The following MROH9 variants were observed in gnomAD, a reference collection of about 807,000 sequenced individuals.
The protein encoded by MROH9 is maestro heat like repeat family member 9.
MROH9 carries 92 observed loss-of-function variants against 98.2 expected under a neutral mutation model. That is an observed-to-expected ratio of 0.94 (90% CI 0.79 to 1.11). The LOEUF (loss-of-function observed/expected upper bound fraction) is 1.11, where lower values mean the gene tolerates loss of function less well. Among genes scored for constraint, MROH9 ranks in the 50% most tolerant of loss-of-function variants. The pLI, the probability that MROH9 is intolerant of heterozygous loss-of-function variation, is 0.00. For synonymous variants in MROH9, 397 were observed against 368.9 expected, an observed-to-expected ratio of 1.08 and a Z score of -0.87; for missense variants, 1,057 against 1,014.8, an observed-to-expected ratio of 1.04 and a Z score of -0.57.
rs558727653 is a variant in MROH9 at position 170,980,515 on chromosome 1, G to A, written c.617-2907G>A. 1.8e-4 allele frequency among the ~76,000 whole-genome samples: 28 copies of A among 152,204 alleles called. 1 individual carries two copies. Among genetic ancestry groups the A allele is most frequent in the Admixed American group, 1.8e-3 (27 of 15,272 alleles). On this transcript the variant is annotated intron_variant, in intron 8 of 21. Transcript: ENST00000367759. ...GACAAACCTGACAAAAACAAACAAT[G>A]GGGAAAGAATTCTCTGTTTAATAAA...
rs377650131 is a variant in MROH9, at chr1:171,041,347, A to ATGTGTGTGTGTGTG, written c.2281+15955_2281+15968dup. 4.6e-3 allele frequency among the ~76,000 whole-genome samples: 373 copies of ATGTGTGTGTGTGTG among 80,626 alleles called. 2 individuals are homozygous for ATGTGTGTGTGTGTG. The highest frequency in any genetic ancestry group is 0.014 in the African/African-American group (328 of 22,940). The allele number at this position is 80,626 out of a possible 152,430, so 52.9% of individuals were successfully genotyped here. A position where few individuals can be genotyped will look rare whatever the true frequency, so the allele number is the denominator to read the frequency against. Reference sequence around the variant, plus strand: ...TTTTATGGCTGAGTAGTATTCCATGATGTGTGTGTGTGTGTGTGTGTGTGT... The same window carrying ATGTGTGTGTGTGTG: ...TTTTATGGCTGAGTAGTATTCCATGATGTGTGTGTGTGTGTGTGTGTGTGTGTGTGTGTGTGTGT... On this transcript the variant is annotated intron_variant, in intron 20 of 21. Transcript: ENST00000367759.
intron 17 of MROH9, among the ~76,000 whole-genome samples, chr1:171,020,438 G>C (rs138786738): frequency 6.6e-6 from 1 of 152,214 alleles, no homozygotes; most frequent in Admixed American, 6.5e-5. Flanking sequence ...CTTCATCCCC[G>C]GGACGCAAGC....
chr1:171,009,523 A>G (rs578179549), intron 15 of MROH9, among the ~76,000 whole-genome samples: 4 of 152,358 alleles, frequency 2.6e-5, no homozygotes, highest in African/African-American at 9.6e-5. Context: ...AGGGTTTTCC[A>G]AGTAAAAGGA....
At chr1:170,948,340 G>A (rs567143442) in intron 3 of MROH9, among the ~76,000 whole-genome samples, 184 of 152,114 alleles carry the variant, frequency 1.2e-3, no homozygotes, top group Admixed American at 2.9e-3. Flanking sequence ...TCCATAGGTC[G>A]AAGTCGCTGA....
chr1:171,008,263 AATAAT>A (rs1652028419), intron 15 of MROH9, among the ~76,000 whole-genome samples: 1 of 152,162 alleles, frequency 6.6e-6, no homozygotes, highest in Non-Finnish European at 1.5e-5. Context: ...GTAACTTATT[AATAAT>A]ATATAATGGT....
chr1:171,001,175 C>A (rs549172967), intron 15 of MROH9, among the ~76,000 whole-genome samples: 83 of 151,990 alleles, frequency 5.5e-4, no homozygotes, highest in Non-Finnish European at 1.0e-3. Context: ...TTTTATTCAT[C>A]TTTACAAAGA....
chr1:170,985,510 A>T (rs1490877999), intron 9 of MROH9, among the ~76,000 whole-genome samples: 2 of 152,162 alleles, frequency 1.3e-5, no homozygotes, highest in African/African-American at 4.8e-5. Flanking sequence ...CTACTGTCAC[A>T]TCTTCACCTG....
intron 20 of MROH9, among the ~76,000 whole-genome samples, chr1:171,038,610 G>A (rs1292493483): frequency 6.6e-6 from 1 of 152,046 alleles, no homozygotes; most frequent in Non-Finnish European, 1.5e-5. Flanking sequence ...TTTTATCCTT[G>A]TGTTTTCTGA....
chr1:171,003,192 T>C (rs1184658546), intron 15 of MROH9, among the ~76,000 whole-genome samples: 1 of 152,214 alleles, frequency 6.6e-6, no homozygotes, highest in Non-Finnish European at 1.5e-5. Context: ...GCCTTTCTCT[T>C]GTCCCTCCCT....
In MROH9 at chr1:171,036,775, A is replaced by G. The variant is rs529141236; in HGVS notation, c.2281+11355A>G. On this transcript the variant is annotated intron_variant, in intron 20 of 21. Coordinates refer to ENST00000367759, the MANE Select transcript of MROH9 (RefSeq NM_001163629.2). ...GCTATCTTTACACTCACCAGAATAG[A>G]TGAATACAAAAATAAAAAAAAAAAA... 6.1e-4 allele frequency among the ~76,000 whole-genome samples: 89 copies of G among 146,272 alleles called. 1 individual carries two copies. Among genetic ancestry groups the G allele is most frequent in the African/African-American group, 2.3e-3 (85 of 36,460 alleles).
At chr1:171,029,224 GT>G (rs978885381) in intron 20 of MROH9, among the ~76,000 whole-genome samples, 103 of 147,268 alleles carry the variant, frequency 7.0e-4, no homozygotes, top group African/African-American at 2.4e-3. Flanking sequence ...AGAGGGTTTT[GT>G]TTTTTTTTTC....
At chr1:171,016,958 A>T (rs6608457) in intron 17 of MROH9, among the ~76,000 whole-genome samples, 128,445 of 152,176 alleles carry the variant, frequency 0.84, 54,847 homozygotes, top group Middle Eastern at 0.99. Context: ...ATAAATTGTT[A>T]GTAAACCAGA....
intron 3 of MROH9, 97 bp downstream of exon 3, chr1:170,947,670 T>A: frequency 8.9e-7 from 1 of 1,129,082 alleles, no homozygotes; most frequent in African/African-American, 1.6e-5. Flanking sequence ...AAGTAATGTT[T>A]AAAATACATG....
At chr1:171,002,511 T>C (rs1269193631) in intron 15 of MROH9, among the ~76,000 whole-genome samples, 1 of 152,182 alleles carries the variant, frequency 6.6e-6, no homozygotes, top group East Asian at 1.9e-4. Flanking sequence ...CCTTCATATA[T>C]GATGCTTAGT....
rs554391784 is a variant in MROH9, at chr1:171,060,042, A to G, written c.2282-2090A>G. On this transcript the variant is annotated intron_variant, in intron 20 of 21. Transcript: ENST00000367759. ...TACGATTAAAAAAAAAAGACTACCT[A>G]TTGGGTACAGTGTACACTGCTCAGG... Among the ~76,000 whole-genome samples the G allele has an allele frequency of 1.6e-3, 238 of 152,248 alleles. 1 individual carries two copies. Among genetic ancestry groups the G allele is most frequent in the Middle Eastern group, 3.4e-3 (1 of 294 alleles).
intron 12 of MROH9, among the ~76,000 whole-genome samples, chr1:170,992,604 G>A (rs1651401236): frequency 6.6e-6 from 1 of 152,194 alleles, no homozygotes; most frequent in Admixed American, 6.5e-5. Flanking sequence ...AGGAAAGAAA[G>A]TGACTGGCAA....
chr1:171,053,301 A>C (rs1653729352), intron 20 of MROH9, among the ~76,000 whole-genome samples: 1 of 152,186 alleles, frequency 6.6e-6, no homozygotes, highest in South Asian at 2.1e-4. Flanking sequence ...CAGTTTGAAA[A>C]TGTTGTCCTC....
chr1:170,959,921 G>T (rs1649952152), intron 5 of MROH9, among the ~76,000 whole-genome samples: 1 of 152,210 alleles, frequency 6.6e-6, no homozygotes, highest in Non-Finnish European at 1.5e-5. Context: ...GAATCCTATA[G>T]TAAAATTAGC....
chr1:171,016,399 G>T, intron 17 of MROH9, 63 bp downstream of exon 17: 1 of 1,261,378 alleles, frequency 7.9e-7, no homozygotes, highest in Non-Finnish European at 1.0e-6. Flanking sequence ...AACTCAAGTT[G>T]AGGCAGTGAT....
Sources: gnomAD v4.1 joint callset for allele counts (sites outside exome capture counted in the v4.1 genomes callset) on GRCh38, gnomAD v4.1.1 for gene constraint, MANE v1.5 for transcripts, NCBI Gene and HGNC (gene_info 2026-07-23, HGNC 2026-07-21) for gene names.